The following PIGV variants were observed in gnomAD, a reference collection of about 807,000 sequenced individuals.
PIGV encodes the protein phosphatidylinositol glycan anchor biosynthesis class V, also known as GPI alpha-1,6-mannosyltransferase 2.
A neutral mutation model predicts 39.2 loss-of-function variants in PIGV; 27 were observed. The ratio of observed to expected loss-of-function variants is 0.69; its 90% CI spans 0.51 to 0.95. The LOEUF is 0.95. Ranked by LOEUF, PIGV falls within the 40% of genes least tolerant of loss-of-function variation. The pLI is 0.00. For missense variants in PIGV, 523 were observed against 586.4 expected (o/e 0.89, Z 1.12); for synonymous variants, 232 against 241.7 (o/e 0.96, Z 0.37).
chr1:26,787,712 C>G (rs2081253646), upstream of PIGV: 1 of 152,482 alleles, frequency 6.6e-6, no homozygotes, highest in Admixed American at 6.5e-5. Context: ...AGCACTGACT[C>G]TGAGACAGCA....
intron 1 of PIGV, among the ~76,000 whole-genome samples, chr1:26,789,377 G>A (rs530332548): frequency 6.6e-6 from 1 of 152,310 alleles, no homozygotes; most frequent in Admixed American, 6.5e-5. Context: ...GTTGCCATTG[G>A]CCAACTTGGC....
In PIGV at chr1:26,797,373, G is replaced by A. The variant is rs74827250; in HGVS notation, c.1201-190G>A. Among the ~76,000 whole-genome samples, 8,768 of 152,246 alleles carry A rather than the reference G, an allele frequency of 0.058. 350 individuals are homozygous for A. The highest frequency in any genetic ancestry group is 0.087 in the Non-Finnish European group (5,889 of 68,016). ...AGCTATGTTTATTTGTAATATGGAG[G>A]ATGCCTGTCTGCTGTACATACATCT... On this transcript the variant is annotated intron_variant, in intron 3 of 3. Coordinates refer to ENST00000674202, the MANE Select transcript of PIGV (RefSeq NM_017837.4).
chr1:26,797,616 T>G lies in PIGV; in HGVS notation c.1254T>G (p.Ala418=). The G allele has an allele frequency of 1.2e-6, 2 of 1,614,110 alleles. No individual in the cohort carries two copies. The highest frequency in any genetic ancestry group is 8.5e-7 in the Non-Finnish European group (1 of 1,179,968). The change falls in exon 4 of 4, where the codon GCT becomes GCG. Residue 418 remains alanine, a synonymous_variant. Transcript: ENST00000674202. ...SSTPIMYWFP[A]HLLQDQEPLL... ...CTCCTATTATGTACTGGTTTCCAGCTCACTTGCTTCAGGATCAAGAGCCGC... is the reference window on the plus strand; with the variant it reads ...CTCCTATTATGTACTGGTTTCCAGCGCACTTGCTTCAGGATCAAGAGCCGC...
At chr1:26,795,846 C>G (rs1339614136) in intron 3 of PIGV, among the ~76,000 whole-genome samples, 2 of 148,554 alleles carry the variant, frequency 1.3e-5, no homozygotes, top group African/African-American at 4.9e-5. Context: ...TTTTATTTTA[C>G]TTTATTTATT....
intron 2 of PIGV, among the ~76,000 whole-genome samples, chr1:26,791,991 A>G (rs2081315060): frequency 6.6e-6 from 1 of 152,228 alleles, no homozygotes; most frequent in African/African-American, 2.4e-5. Flanking sequence ...CTGGGCTCTA[A>G]TTCGGGTGGT....
rs757511396 is a variant in PIGV at position 26,790,808 on chromosome 1, G to A, written c.-8G>A. 1 of 1,613,204 alleles carries A rather than the reference G, an allele frequency of 6.2e-7. No homozygotes were observed. The highest frequency in any genetic ancestry group is 1.1e-5 in the South Asian group (1 of 91,074). On this transcript the variant is annotated 5_prime_UTR_variant, in exon 2 of 4. In the 5' UTR this introduces an upstream ATG that the reference lacks. Coordinates refer to ENST00000674202, the MANE Select transcript of PIGV (RefSeq NM_017837.4). ...TAGCAACACCCCTGAATTCCTGGTG[G>A]TGAAAGGATGTGGCCCCAGGACCCA...
rs2081407144 is a variant in PIGV, at chr1:26,797,841, A to G, written c.1479A>G (p.Thr493=). The change falls in exon 4 of 4, where the codon ACA becomes ACG. Residue 493 remains threonine, a synonymous_variant. Transcript: ENST00000674202. ...LLLHCNFLPW[T] ...TACATTGCAACTTCCTGCCTTGGAC[A>G]TGACCTGGACTCTCCAGGGACAGGT... The G allele has an allele frequency of 4.3e-6, 7 of 1,614,144 alleles. No individual in the cohort carries two copies. Among genetic ancestry groups the G allele is most frequent in the Non-Finnish European group, 5.9e-6 (7 of 1,180,016 alleles).
chr1:26,793,726 C>G (rs909578433), intron 2 of PIGV, among the ~76,000 whole-genome samples: 16 of 152,178 alleles, frequency 1.1e-4, no homozygotes, highest in Middle Eastern at 3.2e-3. Flanking sequence ...CTCAGCCCCC[C>G]CAAGTAGCTG....
chr1:26,787,543 A>C (rs972160139), upstream of PIGV: 16 of 152,246 alleles, frequency 1.1e-4, no homozygotes, highest in African/African-American at 3.1e-4. Flanking sequence ...TATTCAGAGG[A>C]CATCTATTGT....
intron 1 of PIGV, chr1:26,788,647 A>C (rs1043052407): frequency 2.0e-5 from 3 of 152,190 alleles, no homozygotes; most frequent in African/African-American, 7.2e-5. Flanking sequence ...AGAAGCAGAA[A>C]ACATGACAGC....
intron 2 of PIGV, among the ~76,000 whole-genome samples, 165 bp downstream of exon 2, chr1:26,791,058 A>G (rs962815233): frequency 2.0e-5 from 3 of 152,238 alleles, no homozygotes; most frequent in Non-Finnish European, 4.4e-5. Context: ...AATCTTAGAA[A>G]CACGGTCTGT....
rs1209493434 is a variant in PIGV, at chr1:26,798,890, T to C, written c.*1046T>C. ...ACCAGCCATGTGACTTGGGAGAGTT[T>C]TCAGAACCTTAGTTACCACCTCTGA... On this transcript the variant is annotated 3_prime_UTR_variant, in exon 4 of 4. Transcript: ENST00000674202. Among the ~76,000 whole-genome samples, 1 of 152,112 alleles carries C rather than the reference T, an allele frequency of 6.6e-6. No homozygotes were observed. The highest frequency in any genetic ancestry group is 2.4e-5 in the African/African-American group (1 of 41,412).
chr1:26,796,164 ATT>A (rs1226934532), intron 3 of PIGV, among the ~76,000 whole-genome samples: 16 of 125,088 alleles, frequency 1.3e-4, no homozygotes, highest in Admixed American at 1.7e-4. Context: ...TCGGCCTGAG[ATT>A]TTTTTTTTTT....
In PIGV at chr1:26,798,022, C is replaced by G; in HGVS notation, c.*178C>G. 3.1e-6 allele frequency: 2 copies of G among 649,622 alleles called. No individual in the cohort carries two copies. The highest frequency in any genetic ancestry group is 5.4e-6 in the Non-Finnish European group (2 of 372,438). The allele number at this position is 649,622 out of a possible 1,614,324, so 40.2% of individuals were successfully genotyped here. ...AGTGTCAGACACTAGAGAGCCCCTTCTGGTCCTGGCTAGGGCAAATTTTAG... is the reference window on the plus strand; with the variant it reads ...AGTGTCAGACACTAGAGAGCCCCTTGTGGTCCTGGCTAGGGCAAATTTTAG... On this transcript the variant is annotated 3_prime_UTR_variant, in exon 4 of 4. Transcript: ENST00000674202.
chr1:26,792,720 G>A (rs1283746628), intron 2 of PIGV, among the ~76,000 whole-genome samples: 2 of 152,290 alleles, frequency 1.3e-5, no homozygotes, highest in Admixed American at 6.5e-5. Flanking sequence ...GTTACCCTTC[G>A]TTGCTGCTGT....
At position 26,792,525 on chromosome 1, in the gene PIGV, C is replaced by T. The variant is rs1315757490; in HGVS notation, c.79-1588C>T. 3.3e-5 allele frequency among the ~76,000 whole-genome samples: 5 copies of T among 152,204 alleles called. No individual in the cohort carries two copies. In the East Asian group the frequency reaches 9.6e-4, roughly 29 times the overall value. On this transcript the variant is annotated intron_variant, in intron 2 of 3. Transcript: ENST00000674202. ...TGTATTTTTAGTAGAGACCGGGTTT[C>T]ACCTTGCTGGCCAGGCTGGTCTCGA... is the stretch of plus-strand genomic sequence containing the variant.
In PIGV at chr1:26,797,712, C is replaced by A; in HGVS notation, c.1350C>A (p.Pro450=). The change falls in exon 4 of 4, where the codon CCC becomes CCA. Residue 450 remains proline, a synonymous_variant. Transcript: ENST00000674202. ...ACTCCCCACCAGGACAAAAGGTCCC[C>A]AGAAATCCTATCATGGGACTTTTGT... ...AEDSPPGQKV[P]RNPIMGLLYH... is the part of the protein sequence containing the mutation. 5 of 1,614,140 alleles carry A rather than the reference C, an allele frequency of 3.1e-6. No individual in the cohort carries two copies. Among genetic ancestry groups the A allele is most frequent in the Non-Finnish European group, 4.2e-6 (5 of 1,180,000 alleles).
chr1:26,799,755 G>GCAGCCCT lies in PIGV; in HGVS notation c.*1913_*1919dup, dbSNP rs892503122. On this transcript the variant is annotated 3_prime_UTR_variant, in exon 4 of 4. Transcript: ENST00000674202. ...TCTGAAAATGTACACACAGATCAGG[G>GCAGCCCT]CAGCCCTCTGCCTTCTGCCAAGACA... Among the ~76,000 whole-genome samples the GCAGCCCT allele has an allele frequency of 3.9e-5, 6 of 152,188 alleles. No homozygotes were observed.
At chr1:26,793,061 G>T (rs972316362) in intron 2 of PIGV, among the ~76,000 whole-genome samples, 5 of 152,182 alleles carry the variant, frequency 3.3e-5, no homozygotes, top group African/African-American at 1.2e-4. Flanking sequence ...AGTACTGAAG[G>T]TTGGATGAAC....
Sources: gnomAD v4.1 joint callset for allele counts (sites outside exome capture counted in the v4.1 genomes callset) on GRCh38, gnomAD v4.1.1 for gene constraint, MANE v1.5 for transcripts, NCBI Gene and HGNC (gene_info 2026-07-23, HGNC 2026-07-21) for gene names.